Variants in DLG2 observed in about 807,000 individuals in gnomAD.
DLG2 encodes the protein disks large homolog 2.
A neutral mutation model predicts 132.5 loss-of-function variants in DLG2; 45 were observed. That is an observed-to-expected ratio of 0.34 (90% CI 0.27 to 0.44). The LOEUF (loss-of-function observed/expected upper bound fraction) is 0.44. Ranked by LOEUF, DLG2 falls within the 20% of genes least tolerant of loss-of-function variation. The pLI is 1.00. For synonymous variants in DLG2, 424 were observed against 419.6 expected, an observed-to-expected ratio of 1.01 and a Z score of -0.13; for missense variants, 1,045 against 1,196.9, an observed-to-expected ratio of 0.87 and a Z score of 1.87.
intron 8 of DLG2, among the ~76,000 whole-genome samples, chr11:84,231,856 A>T (rs1299939387): frequency 6.6e-6 from 1 of 152,148 alleles, no homozygotes; most frequent in Non-Finnish European, 1.5e-5. Flanking sequence ...GGAGAGTAGT[A>T]GACCAAGGGT....
At chr11:84,757,763 G>A (rs943414740) in intron 6 of DLG2, among the ~76,000 whole-genome samples, 3 of 152,162 alleles carry the variant, frequency 2.0e-5, no homozygotes, top group Non-Finnish European at 2.9e-5. Context: ...TCCAAATCCT[G>A]TATGTTTCCC....
intron 3 of DLG2, among the ~76,000 whole-genome samples, chr11:85,479,587 G>A (rs1409611934): frequency 2.0e-5 from 3 of 152,166 alleles, no homozygotes; most frequent in Non-Finnish European, 2.9e-5. Flanking sequence ...ATGAACTTTT[G>A]AAATGATGCT....
intron 6 of DLG2, among the ~76,000 whole-genome samples, chr11:84,808,245 G>A (rs985404631): frequency 6.6e-6 from 1 of 152,028 alleles, no homozygotes; most frequent in African/African-American, 2.4e-5. Context: ...TGTGTCAAGA[G>A]AAAGTCTCAA....
At chr11:84,461,454 T>C (rs963538593) in intron 7 of DLG2, among the ~76,000 whole-genome samples, 10 of 151,160 alleles carry the variant, frequency 6.6e-5, no homozygotes, top group Admixed American at 6.6e-4. Flanking sequence ...GTGTGAAAAA[T>C]ATGTTCTTTT....
chr11:85,125,663 A>G (rs2075007287), intron 5 of DLG2, among the ~76,000 whole-genome samples: 1 of 152,142 alleles, frequency 6.6e-6, no homozygotes, highest in South Asian at 2.1e-4. Context: ...TAGAGTCATA[A>G]AGACTTGAGT....
At chr11:84,453,967 A>G (rs2099058576) in intron 7 of DLG2, among the ~76,000 whole-genome samples, 1 of 151,580 alleles carries the variant, frequency 6.6e-6, no homozygotes. Context: ...TATTTGGTGC[A>G]GTCTTTGCAA....
chr11:84,330,596 GTTT>G (rs1331419970), intron 7 of DLG2, among the ~76,000 whole-genome samples: 1 of 152,098 alleles, frequency 6.6e-6, no homozygotes, highest in Non-Finnish European at 1.5e-5. Context: ...TAAGACTTTG[GTTT>G]TTTGAAAATA....
chr11:83,873,524 C>G (rs933438247), intron 16 of DLG2, among the ~76,000 whole-genome samples: 41 of 152,116 alleles, frequency 2.7e-4, no homozygotes, highest in African/African-American at 9.9e-4. Flanking sequence ...TAAGAAGTGC[C>G]TTTTGCCATC....
At chr11:85,120,841 T>C (rs1210538643) in intron 5 of DLG2, among the ~76,000 whole-genome samples, 3 of 152,088 alleles carry the variant, frequency 2.0e-5, no homozygotes. Context: ...TACTGCTAAC[T>C]ACATTGCTGC....
Position 85,308,707 on chromosome 11 carries a change from G to A in DLG2, c.41-23342C>T, listed in dbSNP as rs772814970. Among the ~76,000 whole-genome samples the A allele has an allele frequency of 2.0e-5, 3 of 152,104 alleles. No homozygotes were observed. In the South Asian group the frequency reaches 6.2e-4, roughly 32 times the overall value. ...ATTATCTTCAATTAAACTTTTGAGA[G>A]TGTGATTCCTTTCCTTCCACGACTC... On this transcript the variant is annotated intron_variant, in intron 3 of 27. Coordinates refer to ENST00000376104, the MANE Select transcript of DLG2 (RefSeq NM_001142699.3).
chr11:84,948,470 C>A (rs1311419040), intron 6 of DLG2, among the ~76,000 whole-genome samples: 1 of 152,224 alleles, frequency 6.6e-6, no homozygotes, highest in Non-Finnish European at 1.5e-5. Flanking sequence ...AATGAGTCAA[C>A]TGAAAGCAGG....
At chr11:84,909,172 G>T (rs1266900898) in intron 6 of DLG2, among the ~76,000 whole-genome samples, 2 of 152,060 alleles carry the variant, frequency 1.3e-5, no homozygotes, top group African/African-American at 4.8e-5. Flanking sequence ...AGTATTTGAG[G>T]TTTCTCTCTG....
At chr11:84,457,204 TATC>T (rs72206377) in intron 7 of DLG2, among the ~76,000 whole-genome samples, 1,538 of 151,314 alleles carry the variant, frequency 0.01, 14 homozygotes, top group African/African-American at 0.034. Flanking sequence ...ATCAAATAGT[TATC>T]ATTTATTCAT....
At chr11:83,621,051 A>C (rs2061563333) in intron 19 of DLG2, among the ~76,000 whole-genome samples, 1 of 152,072 alleles carries the variant, frequency 6.6e-6, no homozygotes, top group South Asian at 2.1e-4. Context: ...GAGGTTTTAA[A>C]ACTACAAATT....
At chr11:83,865,063 C>T (rs1762332746) in intron 16 of DLG2, among the ~76,000 whole-genome samples, 1 of 152,168 alleles carries the variant, frequency 6.6e-6, no homozygotes, top group Admixed American at 6.6e-5. Context: ...GCTGTTTCTA[C>T]TCATGTGATG....
rs577844228 is a variant in DLG2 at position 84,135,999 on chromosome 11, A to C, written c.624+27462T>G. ...ATTTAAGAGTAATTTGAGAGGTGGAATTTATAGGACCTAGTGGCTGACTAG... is the reference window on the plus strand; with the variant it reads ...ATTTAAGAGTAATTTGAGAGGTGGACTTTATAGGACCTAGTGGCTGACTAG... On this transcript the variant is annotated intron_variant, in intron 9 of 27. Coordinates refer to ENST00000376104, the MANE Select transcript of DLG2 (RefSeq NM_001142699.3). Among the ~76,000 whole-genome samples the C allele has an allele frequency of 2.6e-5, 4 of 152,216 alleles. No individual in the cohort carries two copies. The East Asian group carries it at 7.7e-4, about 29-fold the overall frequency.
intron 7 of DLG2, among the ~76,000 whole-genome samples, chr11:84,531,886 G>C (rs1591692021): frequency 6.6e-6 from 1 of 152,030 alleles, no homozygotes; most frequent in African/African-American, 2.4e-5. Context: ...GAAGGCAAAG[G>C]ATAAAGGAAA....
In DLG2 at chr11:85,308,934, T is replaced by C. The variant is rs531281352; in HGVS notation, c.41-23569A>G. 8.5e-5 allele frequency among the ~76,000 whole-genome samples: 13 copies of C among 152,272 alleles called. No individual in the cohort carries two copies. The South Asian group carries it at 2.5e-3, about 29-fold the overall frequency. On this transcript the variant is annotated intron_variant, in intron 3 of 27. Coordinates refer to ENST00000376104, the MANE Select transcript of DLG2 (RefSeq NM_001142699.3). ...TGGTGGGTAATATTATTATTCATTA[T>C]TCAGACATTGACACCCATTCGCCTC... is the stretch of plus-strand genomic sequence containing the variant.
intron 18 of DLG2, among the ~76,000 whole-genome samples, chr11:83,727,367 G>A (rs1173621625): frequency 6.6e-6 from 1 of 152,136 alleles, no homozygotes; most frequent in African/African-American, 2.4e-5. Flanking sequence ...GCCATTATCA[G>A]CTGGTCCCTC....
Sources: allele counts gnomAD v4.1 joint callset (sites outside exome capture counted in the v4.1 genomes callset), GRCh38; gene constraint gnomAD v4.1.1; transcripts MANE v1.5; gene names NCBI Gene and HGNC (gene_info 2026-07-23, HGNC 2026-07-21).